Variants in PPP4R1 observed in about 807,000 individuals in gnomAD.
PPP4R1 encodes serine/threonine-protein phosphatase 4 regulatory subunit 1.
A neutral mutation model predicts 111.2 loss-of-function variants in PPP4R1; 42 were observed. That is an observed-to-expected ratio of 0.38 (90% CI 0.29 to 0.49). The LOEUF is 0.49. Ranked by LOEUF, PPP4R1 falls within the 20% of genes least tolerant of loss-of-function variation. PPP4R1 has a pLI of 0.97. For synonymous variants in PPP4R1, 409 were observed against 405.5 expected (o/e 1.01, Z -0.10); for missense variants, 1,012 against 1,161.6 (o/e 0.87, Z 1.87).
At position 9,588,753 on chromosome 18, in the gene PPP4R1, T is replaced by A; in HGVS notation, c.396A>T (p.Leu132Phe). ...PSIPYAFSKF[L>F]LPIVVRYLAD... is the part of the protein sequence containing the mutation. ...CAAGGTATCTAACCACAATAGGTAG[T>A]AAGAATTTTGAAAAAGCATATGGTA... The change falls in exon 5 of 20, where the codon TTA (leucine) becomes TTT (phenylalanine). Residue 132 changes from leucine to phenylalanine, a missense_variant. Leu to Phe is a conservative substitution (Grantham distance 22). Transcript: ENST00000400556. The A allele has an allele frequency of 6.2e-7, 1 of 1,613,636 alleles. No individual in the cohort carries two copies. The highest frequency in any genetic ancestry group is 8.5e-7 in the Non-Finnish European group (1 of 1,179,562).
intron 2 of PPP4R1, among the ~76,000 whole-genome samples, chr18:9,602,956 A>G (rs2067416569): frequency 6.6e-6 from 1 of 152,224 alleles, no homozygotes; most frequent in Non-Finnish European, 1.5e-5. Context: ...TCTATAAAAT[A>G]ATGGTTAAGA....
chr18:9,560,168 T>C (rs1044495626), intron 13 of PPP4R1, among the ~76,000 whole-genome samples: 2 of 152,008 alleles, frequency 1.3e-5, no homozygotes, highest in Admixed American at 1.3e-4. Context: ...TAGTTCCAGA[T>C]ACTCGGGAGG....
chr18:9,612,036 C>T (rs1024584059), intron 2 of PPP4R1, among the ~76,000 whole-genome samples: 1 of 151,842 alleles, frequency 6.6e-6, no homozygotes, highest in African/African-American at 2.4e-5. Context: ...AATTTAGTTG[C>T]GAGCATTGGC....
At position 9,547,678 on chromosome 18, in the gene PPP4R1, G is replaced by A. The variant is rs528693789; in HGVS notation, c.*111C>T. ...ACTTGCACCTGCAATGAAGTCCGCA[G>A]GAGAGGAAGGTCTCTCCTCCCCCGA... On this transcript the variant is annotated 3_prime_UTR_variant, in exon 20 of 20. Transcript: ENST00000400556. 20 of 1,354,384 alleles carry A rather than the reference G, an allele frequency of 1.5e-5. No individual in the cohort carries two copies. The highest frequency in any genetic ancestry group is 1.3e-4 in the African/African-American group (9 of 69,238). 83.9% of individuals were successfully genotyped at this position (1,354,384 alleles called of 1,614,324 possible). A position where few individuals can be genotyped will look rare whatever the true frequency, so the allele number is the denominator to read the frequency against.
At chr18:9,598,150 G>A (rs1161849289) in intron 2 of PPP4R1, among the ~76,000 whole-genome samples, 2 of 152,070 alleles carry the variant, frequency 1.3e-5, no homozygotes, top group Admixed American at 1.3e-4. Flanking sequence ...AAAAATATGG[G>A]GGAGGAAGAG....
In PPP4R1 at chr18:9,550,073, T is replaced by C. The variant is rs1598883475; in HGVS notation, c.2526A>G (p.Gln842=). The part of the protein sequence containing the change: ...FGRCPKWSGR[Q]AFVFVCQTVI... The stretch of plus-strand genomic sequence containing the variant: ...TTACCTGGCAGACAAAGACAAAGGC[T>C]TGCCGACCAGACCACTTGGGACATC... The change falls in exon 18 of 20, where the codon CAA becomes CAG. Residue 842 remains glutamine, a synonymous_variant. Transcript: ENST00000400556. 6.2e-7 allele frequency: 1 copy of C among 1,614,206 alleles called. No homozygotes were observed. Among genetic ancestry groups the C allele is most frequent in the Non-Finnish European group, 8.5e-7 (1 of 1,180,034 alleles).
chr18:9,596,954 C>T (rs2067299608), intron 2 of PPP4R1, among the ~76,000 whole-genome samples: 2 of 152,164 alleles, frequency 1.3e-5, no homozygotes, highest in East Asian at 1.9e-4. Context: ...AACCCTCACA[C>T]CTTAAATGGT....
Position 9,563,437 on chromosome 18 carries a change from G to A in PPP4R1, c.1687C>T (p.Leu563=). The change falls in exon 12 of 20, where the codon CTA becomes TTA. Residue 563 remains leucine, a synonymous_variant. Transcript: ENST00000400556. ...TCTTGATTTATTTTACAATTTGGTA[G>A]CTCATTTATATCCAGTTCATCTTGC... ...DLQDELDINE[L]PNCKINQEDS... is the part of the protein sequence containing the mutation. 6.2e-7 allele frequency: 1 copy of A among 1,612,150 alleles called. No homozygotes were observed. Among genetic ancestry groups the A allele is most frequent in the Non-Finnish European group, 8.5e-7 (1 of 1,178,680 alleles).
intron 2 of PPP4R1, 135 bp from the exon 3 acceptor site, chr18:9,595,288 G>A (rs1313641962): frequency 8.8e-6 from 8 of 913,760 alleles, no homozygotes; most frequent in Non-Finnish European, 1.6e-6. Flanking sequence ...AATCAATCCA[G>A]AAGCCACAAA....
rs763463482 is a variant in PPP4R1, at chr18:9,547,748, G to A, written c.*41C>T. ...GCGTGGCGAATGCCCACTGAACCTC[G>A]GCTCTCATGGAAGCAGGAAAGACAC... On this transcript the variant is annotated 3_prime_UTR_variant, in exon 20 of 20. Transcript: ENST00000400556. The A allele has an allele frequency of 1.3e-5, 21 of 1,605,770 alleles. No homozygotes were observed. In the East Asian group the frequency reaches 2.2e-4, roughly 17 times the overall value.
chr18:9,589,768 C>G lies in PPP4R1; in HGVS notation c.296-915G>C, dbSNP rs111795546. On this transcript the variant is annotated intron_variant, in intron 4 of 19. Coordinates refer to ENST00000400556, the MANE Select transcript of PPP4R1 (RefSeq NM_001042388.3). Reference sequence around the variant, plus strand: ...CAAAAATGAGCCAGGTGTGGTGGTGCATGCCTGTAATCCCAGCTACTCCAG... The same window carrying G: ...CAAAAATGAGCCAGGTGTGGTGGTGGATGCCTGTAATCCCAGCTACTCCAG... 3.4e-3 allele frequency: 522 copies of G among 152,316 alleles called. 2 individuals are homozygous for G. Among genetic ancestry groups the G allele is most frequent in the Middle Eastern group, 6.8e-3 (2 of 296 alleles). The allele number at this position is 152,316 out of a possible 1,614,324, so 9.4% of individuals were successfully genotyped here.
intron 19 of PPP4R1, among the ~76,000 whole-genome samples, chr18:9,548,976 C>T (rs896964477): frequency 3.9e-5 from 6 of 152,174 alleles, no homozygotes; most frequent in Non-Finnish European, 7.3e-5. Context: ...TACATGCTTC[C>T]GATAAATAAA....
At chr18:9,591,174 C>A (rs1343582116) in intron 4 of PPP4R1, among the ~76,000 whole-genome samples, 1 of 151,772 alleles carries the variant, frequency 6.6e-6, no homozygotes. Context: ...ACGGAGAAAT[C>A]CCATCTCTAC....
Position 9,550,093 on chromosome 18 carries a change from G to T in PPP4R1, c.2506C>A (p.Pro836Thr), listed in dbSNP as rs1364746551. 1 of 1,614,172 alleles carries T rather than the reference G, an allele frequency of 6.2e-7. No homozygotes were observed. Among genetic ancestry groups the T allele is most frequent in the Non-Finnish European group, 8.5e-7 (1 of 1,180,052 alleles). Residue 836 changes from proline to threonine, a missense_variant, in exon 18 of 20, where the codon CCC becomes ACC. Physicochemically the swap from Pro to Thr is conservative, Grantham distance 38. Coordinates refer to ENST00000400556, the MANE Select transcript of PPP4R1 (RefSeq NM_001042388.3). ...AAGGCTTGCCGACCAGACCACTTGGGACATCTGCCAAAGTTCTCCACAAGC... is the reference window on the plus strand; with the variant it reads ...AAGGCTTGCCGACCAGACCACTTGGTACATCTGCCAAAGTTCTCCACAAGC... ...NELVENFGRC[P>T]KWSGRQAFVF...
intron 9 of PPP4R1, among the ~76,000 whole-genome samples, chr18:9,582,797 G>A (rs562798869): frequency 3.9e-5 from 6 of 152,156 alleles, no homozygotes; most frequent in Non-Finnish European, 7.4e-5. Flanking sequence ...TGAATCCAGC[G>A]ACATATAAAA....
chr18:9,575,663 A>G (rs1387990320), intron 10 of PPP4R1, among the ~76,000 whole-genome samples: 3 of 152,210 alleles, frequency 2.0e-5, no homozygotes, highest in Non-Finnish European at 4.4e-5. Context: ...ACACACCGGT[A>G]GGCGGCAAAC....
intron 12 of PPP4R1, chr18:9,563,141 T>G (rs977858700): frequency 1.7e-6 from 2 of 1,210,344 alleles, no homozygotes; most frequent in South Asian, 5.1e-5. Context: ...TAACATTGAG[T>G]CTACTAAATG....
chr18:9,558,986 C>A (rs568529214), intron 14 of PPP4R1, among the ~76,000 whole-genome samples: 11 of 152,286 alleles, frequency 7.2e-5, no homozygotes, highest in African/African-American at 2.4e-4. Flanking sequence ...TCAAGGCATG[C>A]AGGGCCCAGA....
intron 2 of PPP4R1, among the ~76,000 whole-genome samples, chr18:9,596,798 G>A (rs901014384): frequency 6.6e-6 from 1 of 152,132 alleles, no homozygotes; most frequent in Admixed American, 6.5e-5. Context: ...ACTTTAAACA[G>A]ATAACATTTT....
Sources: allele counts gnomAD v4.1 joint callset (sites outside exome capture counted in the v4.1 genomes callset), GRCh38; gene constraint gnomAD v4.1.1; transcripts MANE v1.5; gene names NCBI Gene and HGNC (gene_info 2026-07-23, HGNC 2026-07-21).